XYLT1: variants seen among roughly 807,000 people sequenced by gnomAD.
XYLT1 encodes the protein xylosyltransferase 1.
Under a neutral mutation model 91.3 loss-of-function variants are expected in XYLT1, and 36 were observed. The ratio of observed to expected loss-of-function variants is 0.39; its 90% CI spans 0.30 to 0.52. XYLT1 has a LOEUF of 0.52. Ranked by LOEUF, XYLT1 falls within the 20% of genes least tolerant of loss-of-function variation. The pLI is 0.68. For missense variants in XYLT1, 1,242 were observed against 1,284.5 expected (o/e 0.97, Z 0.51); for synonymous variants, 588 against 532.0 (o/e 1.11, Z -1.45).
intron 1 of XYLT1, among the ~76,000 whole-genome samples, chr16:17,388,514 C>G (rs764477874): frequency 6.6e-6 from 1 of 152,190 alleles, no homozygotes; most frequent in Non-Finnish European, 1.5e-5. Flanking sequence ...CACCACCTCC[C>G]TGAGCCCCAA....
chr16:17,127,879 C>G lies in XYLT1; in HGVS notation c.2028-18G>C, dbSNP rs1349543129. The stretch of plus-strand genomic sequence containing the variant: ...GGTAGTATCTGAAAACACAGGCGCT[C>G]ATGCATTAGGGCCCAAGGTGTGTAG... On this transcript the variant is annotated intron_variant, in intron 9 of 11. Coordinates refer to ENST00000261381, the MANE Select transcript of XYLT1 (RefSeq NM_022166.4). 4.3e-6 allele frequency: 7 copies of G among 1,609,940 alleles called. No individual in the cohort carries two copies. In the South Asian group the frequency reaches 7.7e-5, roughly 18 times the overall value.
chr16:17,228,586 G>C (rs953155322), intron 3 of XYLT1, among the ~76,000 whole-genome samples: 4 of 152,142 alleles, frequency 2.6e-5, no homozygotes, highest in Non-Finnish European at 5.9e-5. Context: ...AGCGAGGCTT[G>C]TGATTGGAGG....
chr16:17,323,004 C>T (rs1447427286), intron 2 of XYLT1, among the ~76,000 whole-genome samples: 1 of 152,244 alleles, frequency 6.6e-6, no homozygotes, highest in African/African-American at 2.4e-5. Flanking sequence ...CGGTCCATTT[C>T]CTCATCCCCA....
At chr16:17,183,477 C>T (rs902385416) in intron 5 of XYLT1, among the ~76,000 whole-genome samples, 6 of 152,166 alleles carry the variant, frequency 3.9e-5, no homozygotes, top group South Asian at 2.1e-4. Flanking sequence ...CCCTACTCCC[C>T]GTGATGAAAG....
chr16:17,113,605 C>T (rs554790074), intron 11 of XYLT1, among the ~76,000 whole-genome samples: 12 of 147,226 alleles, frequency 8.2e-5, no homozygotes, highest in African/African-American at 2.9e-4. Flanking sequence ...AGAGTCTAAT[C>T]AGATTGTGGG....
intron 6 of XYLT1, among the ~76,000 whole-genome samples, chr16:17,152,610 T>A (rs1383994869): frequency 2.0e-5 from 3 of 152,228 alleles, no homozygotes; most frequent in Non-Finnish European, 4.4e-5. Flanking sequence ...CCAACTTTTG[T>A]TTAAACATTT....
chr16:17,300,804 A>T (rs544372904), intron 2 of XYLT1, among the ~76,000 whole-genome samples: 1 of 151,940 alleles, frequency 6.6e-6, no homozygotes, highest in East Asian at 1.9e-4. Context: ...TATATACTGA[A>T]CCAGAACAAT....
intron 2 of XYLT1, among the ~76,000 whole-genome samples, chr16:17,305,909 C>A (rs2034464397): frequency 6.6e-6 from 1 of 152,108 alleles, no homozygotes; most frequent in Non-Finnish European, 1.5e-5. Context: ...GGGGCAGTCA[C>A]TTCTTTCTTC....
intron 1 of XYLT1, among the ~76,000 whole-genome samples, chr16:17,437,082 G>C (rs2036468283): frequency 6.6e-6 from 1 of 152,090 alleles, no homozygotes; most frequent in Non-Finnish European, 1.5e-5. Flanking sequence ...AACAGTATGG[G>C]TCCCATTTTA....
intron 2 of XYLT1, among the ~76,000 whole-genome samples, chr16:17,285,222 C>T (rs2034117256): frequency 6.6e-6 from 1 of 152,214 alleles, no homozygotes; most frequent in Non-Finnish European, 1.5e-5. Context: ...TTAGAAGTTT[C>T]TGGCTGCAAG....
At chr16:17,153,461 G>C (rs1264795061) in intron 6 of XYLT1, among the ~76,000 whole-genome samples, 2 of 152,090 alleles carry the variant, frequency 1.3e-5, no homozygotes, top group Admixed American at 1.3e-4. Flanking sequence ...ACATGATCTC[G>C]CTTTGTCACC....
At chr16:17,362,020 G>A (rs961486976) in intron 1 of XYLT1, among the ~76,000 whole-genome samples, 11 of 152,272 alleles carry the variant, frequency 7.2e-5, no homozygotes, top group Admixed American at 7.2e-4. Flanking sequence ...GATGACCAGA[G>A]AGACTGGTAA....
intron 2 of XYLT1, among the ~76,000 whole-genome samples, chr16:17,292,379 C>CA (rs907590071): frequency 2.8e-4 from 42 of 151,940 alleles, no homozygotes; most frequent in African/African-American, 9.6e-4. Context: ...CCTCACTTCA[C>CA]AAAAAAAACT....
chr16:17,299,102 G>C (rs747653254), intron 2 of XYLT1, among the ~76,000 whole-genome samples: 7 of 152,000 alleles, frequency 4.6e-5, no homozygotes, highest in Admixed American at 1.3e-4. Flanking sequence ...TGTCCCTTCA[G>C]TATGCACAAA....
At chr16:17,221,036 C>T (rs1035277339) in intron 3 of XYLT1, among the ~76,000 whole-genome samples, 16 of 152,186 alleles carry the variant, frequency 1.1e-4, no homozygotes, top group Non-Finnish European at 5.9e-5. Flanking sequence ...GATCCAGACA[C>T]TCCTTGGCCA....
chr16:17,153,671 T>C (rs2031337671), intron 6 of XYLT1, among the ~76,000 whole-genome samples: 1 of 152,154 alleles, frequency 6.6e-6, no homozygotes, highest in South Asian at 2.1e-4. Flanking sequence ...GAGCAGCTAA[T>C]TTTATAAATT....
chr16:17,422,011 C>A (rs1485246722), intron 1 of XYLT1, among the ~76,000 whole-genome samples: 1 of 151,934 alleles, frequency 6.6e-6, no homozygotes, highest in Non-Finnish European at 1.5e-5. Flanking sequence ...GAGACGGAGT[C>A]TTGCTTTGTC....
At chr16:17,316,869 T>C (rs1287487495) in intron 2 of XYLT1, among the ~76,000 whole-genome samples, 1 of 150,288 alleles carries the variant, frequency 6.7e-6, no homozygotes, top group Admixed American at 6.6e-5. Flanking sequence ...TCGCCCAGGC[T>C]GGAGTGCAGT....
At chr16:17,315,151 G>C (rs1457635503) in intron 2 of XYLT1, among the ~76,000 whole-genome samples, 1 of 152,220 alleles carries the variant, frequency 6.6e-6, no homozygotes, top group African/African-American at 2.4e-5. Flanking sequence ...AAAAAGCCAG[G>C]CAAGTCCTTA....
Sources: gnomAD v4.1 joint callset for allele counts (sites outside exome capture counted in the v4.1 genomes callset) on GRCh38, gnomAD v4.1.1 for gene constraint, MANE v1.5 for transcripts, NCBI Gene and HGNC (gene_info 2026-07-23, HGNC 2026-07-21) for gene names.